Variants in KHDC1 observed in about 807,000 individuals in gnomAD.
KHDC1 encodes KH domain containing 1, also known as KH homology domain-containing protein 1.
A neutral mutation model predicts 24.7 loss-of-function variants in KHDC1; 21 were observed. The observed-to-expected ratio is 0.85, with a 90% CI of 0.60 to 1.23. The LOEUF (loss-of-function observed/expected upper bound fraction) is 1.23, where lower values mean the gene tolerates loss of function less well. KHDC1 is among the 50% of genes most tolerant of loss of function. The pLI, the probability that KHDC1 is intolerant of heterozygous loss-of-function variation, is 0.00. For missense variants in KHDC1, 274 were observed against 298.5 expected, an observed-to-expected ratio of 0.92 and a Z score of 0.61; for synonymous variants, 98 against 111.7, an observed-to-expected ratio of 0.88 and a Z score of 0.77.
At chr6:73,245,635 A>T (rs1040934361) in intron 2 of KHDC1, among the ~76,000 whole-genome samples, 1 of 152,108 alleles carries the variant, frequency 6.6e-6, no homozygotes, top group African/African-American at 2.4e-5. Flanking sequence ...TTAGTGTTAG[A>T]ATTCATTTTT....
intron 1 of KHDC1, among the ~76,000 whole-genome samples, chr6:73,307,435 A>G (rs2150758306): frequency 6.6e-6 from 1 of 152,272 alleles, no homozygotes; most frequent in African/African-American, 2.4e-5. Context: ...CAATAAATAA[A>G]TAAATTAATT....
exon 1 of KHDC1, chr6:73,309,595 C>G (rs1768040633): frequency 6.5e-7 from 1 of 1,547,020 alleles, no homozygotes; most frequent in Non-Finnish European, 8.7e-7. Context: ...CTGTCCCGAT[C>G]AGGAGCATCG....
At chr6:73,250,107 C>T (rs1033674111) in intron 2 of KHDC1, among the ~76,000 whole-genome samples, 46 of 152,144 alleles carry the variant, frequency 3.0e-4, no homozygotes, top group Admixed American at 1.2e-3. Flanking sequence ...GGTCACAAAT[C>T]CATGTCTTAT....
At chr6:73,302,544 T>C (rs1302527768) in intron 1 of KHDC1, among the ~76,000 whole-genome samples, 1 of 152,176 alleles carries the variant, frequency 6.6e-6, no homozygotes, top group Non-Finnish European at 1.5e-5. Flanking sequence ...GCAACTGTAA[T>C]ACAATGGGTA....
chr6:73,299,912 G>A (rs1767836023), intron 1 of KHDC1: 1 of 152,424 alleles, frequency 6.6e-6, no homozygotes, highest in South Asian at 2.1e-4. Flanking sequence ...AGAACGCAGG[G>A]ACAAAGTACA....
At chr6:73,296,467 C>T (rs1279241915) in intron 1 of KHDC1, among the ~76,000 whole-genome samples, 2 of 152,202 alleles carry the variant, frequency 1.3e-5, no homozygotes, top group African/African-American at 4.8e-5. Context: ...AAATTAAACA[C>T]ACACATACAC....
chr6:73,276,210 G>A (rs1316739105), intron 2 of KHDC1: 1 of 152,044 alleles, frequency 6.6e-6, no homozygotes, highest in Non-Finnish European at 1.5e-5. Context: ...AAAGAGGCCT[G>A]GTGTGGCGGC....
chr6:73,270,456 G>C (rs1327132900), intron 2 of KHDC1: 1 of 152,030 alleles, frequency 6.6e-6, no homozygotes, highest in African/African-American at 2.4e-5. Flanking sequence ...GGGCAACAGA[G>C]CGGGACTCCA....
At chr6:73,254,597 T>C (rs1036704856) in intron 2 of KHDC1, among the ~76,000 whole-genome samples, 4 of 152,056 alleles carry the variant, frequency 2.6e-5, no homozygotes, top group African/African-American at 9.7e-5. Context: ...AGTTAAAAAA[T>C]GGCAAGGTGC....
At chr6:73,291,923 A>C (rs1226824138) in intron 2 of KHDC1, 2 of 1,523,942 alleles carry the variant, frequency 1.3e-6, no homozygotes, top group African/African-American at 1.4e-5. Context: ...TATTTTTAAA[A>C]ATTTAATTCT....
intron 2 of KHDC1, among the ~76,000 whole-genome samples, chr6:73,266,387 A>G (rs1045300742): frequency 6.6e-6 from 1 of 152,232 alleles, no homozygotes; most frequent in Admixed American, 6.5e-5. Flanking sequence ...TTATCATATA[A>G]TAGGCACTAC....
At chr6:73,241,857 T>C in intron 4 of KHDC1, 129 bp from the exon 4 acceptor site, 2 of 1,108,372 alleles carry the variant, frequency 1.8e-6, no homozygotes, top group Non-Finnish European at 2.6e-6. Flanking sequence ...GTAGCCCATT[T>C]ACACCTCCCA....
At chr6:73,241,415 C>A in exon 5 of KHDC1, 1 of 930,568 alleles carries the variant, frequency 1.1e-6, no homozygotes, top group Admixed American at 1.8e-5. Flanking sequence ...CTGAGAGGGA[C>A]AGGTCCCGGC....
chr6:73,266,008 T>G (rs574347350), intron 2 of KHDC1, among the ~76,000 whole-genome samples: 2 of 152,252 alleles, frequency 1.3e-5, no homozygotes, highest in South Asian at 2.1e-4. Flanking sequence ...TCACCCAACC[T>G]AAGGGTCTTA....
chr6:73,297,905 C>T (rs560923224), intron 1 of KHDC1, among the ~76,000 whole-genome samples: 3 of 152,178 alleles, frequency 2.0e-5, no homozygotes, highest in Non-Finnish European at 4.4e-5. Context: ...GAAATTCTGG[C>T]CTACGGTGTC....
chr6:73,242,482 C>T (rs373975234), exon 3 of KHDC1: 69 of 1,614,066 alleles, frequency 4.3e-5, no homozygotes, highest in African/African-American at 8.0e-5. Context: ...GGGTCCACCA[C>T]GGCTTCTTGC....
rs571586311 is a variant in KHDC1, at chr6:73,279,655, C to T, written c.206+12343G>A. On this transcript the variant is annotated intron_variant, in intron 2 of 4. Coordinates refer to ENST00000370384, the Ensembl canonical transcript of KHDC1. ...GGAGTGCAGTGGCGAACATGGCTCACTGCAGCCTTGACCTCTTAGGCTCGA... is the reference window on the plus strand; with the variant it reads ...GGAGTGCAGTGGCGAACATGGCTCATTGCAGCCTTGACCTCTTAGGCTCGA... Among the ~76,000 whole-genome samples, 10 of 143,218 alleles carry T rather than the reference C, an allele frequency of 7.0e-5. No individual in the cohort carries two copies. In the East Asian group the frequency reaches 2.1e-3, roughly 30 times the overall value. The allele number at this position is 143,218 out of a possible 152,430, so 94.0% of individuals were successfully genotyped here.
intron 2 of KHDC1, among the ~76,000 whole-genome samples, chr6:73,279,154 C>A (rs1767356698): frequency 6.6e-6 from 1 of 152,220 alleles, no homozygotes; most frequent in Non-Finnish European, 1.5e-5. Context: ...TGCCTATAAT[C>A]CCAGCACTTT....
At chr6:73,298,834 C>G (rs987688965) in intron 1 of KHDC1, among the ~76,000 whole-genome samples, 4 of 151,986 alleles carry the variant, frequency 2.6e-5, no homozygotes, top group Non-Finnish European at 5.9e-5. Context: ...AACTACTTAG[C>G]TCAAGCGATC....
Sources: allele counts gnomAD v4.1 joint callset (sites outside exome capture counted in the v4.1 genomes callset), GRCh38; gene constraint gnomAD v4.1.1; transcripts MANE v1.5; gene names NCBI Gene and HGNC (gene_info 2026-07-23, HGNC 2026-07-21).